The following NTF3 variants were observed in gnomAD, a reference collection of about 807,000 sequenced individuals.
NTF3 encodes the protein neurotrophin 3, also known as neurotrophin-3.
Under a neutral mutation model 26.3 loss-of-function variants are expected in NTF3, and 8 were observed. The observed-to-expected ratio is 0.30, with a 90% confidence interval of 0.18 to 0.55. The LOEUF is 0.55. Ranked by LOEUF, NTF3 falls within the 20% of genes least tolerant of loss-of-function variation. The pLI is 0.93. For synonymous variants in NTF3, 154 were observed against 145.5 expected, an observed-to-expected ratio of 1.06 and a Z score of -0.42; for missense variants, 276 against 352.9, an observed-to-expected ratio of 0.78 and a Z score of 1.75.
intron 1 of NTF3, among the ~76,000 whole-genome samples, chr12:5,437,404 G>C (rs55924827): frequency 0.1 from 15,408 of 151,772 alleles, 834 homozygotes; most frequent in South Asian, 0.12. Flanking sequence ...CATTTCCCAT[G>C]TCTTCACTTC....
chr12:5,454,673 CTTGGCT>C (rs1360785059), intron 1 of NTF3, among the ~76,000 whole-genome samples: 2 of 152,202 alleles, frequency 1.3e-5, no homozygotes, highest in Admixed American at 6.5e-5. Context: ...TCTCATTTTC[CTTGGCT>C]CAGTTCAGCT....
At chr12:5,481,714 G>A (rs931889016) in intron 1 of NTF3, among the ~76,000 whole-genome samples, 7 of 91,286 alleles carry the variant, frequency 7.7e-5, no homozygotes, top group African/African-American at 1.7e-4. Flanking sequence ...AACACCACAC[G>A]CACACACCAC....
intron 1 of NTF3, among the ~76,000 whole-genome samples, chr12:5,476,805 A>C (rs1728901749): frequency 6.6e-6 from 1 of 152,206 alleles, no homozygotes; most frequent in African/African-American, 2.4e-5. Flanking sequence ...TTGTAATATA[A>C]GGAGAGAAAG....
chr12:5,474,063 A>C (rs1328373596), intron 1 of NTF3, among the ~76,000 whole-genome samples: 5 of 152,180 alleles, frequency 3.3e-5, no homozygotes, highest in Admixed American at 3.3e-4. Context: ...CATGGAATTT[A>C]TTTTCCAAAG....
intron 1 of NTF3, among the ~76,000 whole-genome samples, chr12:5,453,219 G>T (rs764722066): frequency 1.2e-4 from 18 of 152,174 alleles, no homozygotes; most frequent in Non-Finnish European, 2.1e-4. Flanking sequence ...GAACATTTTT[G>T]ATACCTATTT....
chr12:5,490,246 A>G (rs910724590), intron 1 of NTF3, among the ~76,000 whole-genome samples: 3 of 152,228 alleles, frequency 2.0e-5, no homozygotes, highest in Non-Finnish European at 2.9e-5. Context: ...CTCTCCAGCC[A>G]GTAAGCAGTG....
chr12:5,470,976 C>T (rs1159020591), intron 1 of NTF3, among the ~76,000 whole-genome samples: 2 of 152,158 alleles, frequency 1.3e-5, no homozygotes, highest in Non-Finnish European at 2.9e-5. Flanking sequence ...CTTTGAGCTC[C>T]TTTCCTTCCC....
intron 1 of NTF3, among the ~76,000 whole-genome samples, chr12:5,489,980 G>A (rs928970295): frequency 3.3e-5 from 5 of 152,194 alleles, no homozygotes; most frequent in Non-Finnish European, 7.3e-5. Context: ...CCATATGTGG[G>A]AAAGCGTTTC....
chr12:5,462,446 G>C (rs1159415365), intron 1 of NTF3, among the ~76,000 whole-genome samples: 1 of 152,106 alleles, frequency 6.6e-6, no homozygotes, highest in Non-Finnish European at 1.5e-5. Flanking sequence ...TACCACAGAG[G>C]CTCGAGGTAA....
At chr12:5,481,974 AACAG>A (rs1940811575) in intron 1 of NTF3, among the ~76,000 whole-genome samples, 1 of 151,740 alleles carries the variant, frequency 6.6e-6, no homozygotes, top group African/African-American at 2.4e-5. Flanking sequence ...CACACAGAGA[AACAG>A]ACACACTCGC....
intron 1 of NTF3, among the ~76,000 whole-genome samples, chr12:5,451,156 A>G (rs762837400): frequency 1.3e-5 from 2 of 152,140 alleles, no homozygotes; most frequent in Admixed American, 6.5e-5. Context: ...CAAGTTTCTC[A>G]TCTGTAAAAT....
chr12:5,445,648 C>T (rs965674452), intron 1 of NTF3, among the ~76,000 whole-genome samples: 2 of 152,176 alleles, frequency 1.3e-5, no homozygotes, highest in African/African-American at 4.8e-5. Flanking sequence ...CTCAGGATGT[C>T]ATTCAGGCCA....
At chr12:5,487,998 A>G (rs1940887919) in intron 1 of NTF3, among the ~76,000 whole-genome samples, 1 of 152,182 alleles carries the variant, frequency 6.6e-6, no homozygotes, top group African/African-American at 2.4e-5. Context: ...TTTGTGCTCC[A>G]TAAGACAGGG....
chr12:5,467,917 G>T (rs1239200518), intron 1 of NTF3, among the ~76,000 whole-genome samples: 1 of 152,114 alleles, frequency 6.6e-6, no homozygotes, highest in African/African-American at 2.4e-5. Context: ...AGTGGAGAGA[G>T]AATAATTCTC....
intron 1 of NTF3, among the ~76,000 whole-genome samples, chr12:5,436,084 G>T (rs1446448210): frequency 2.0e-5 from 3 of 152,222 alleles, no homozygotes; most frequent in Non-Finnish European, 4.4e-5. Flanking sequence ...CGTTGATCGG[G>T]TCCATACCCT....
chr12:5,461,070 G>T (rs188424726), intron 1 of NTF3, among the ~76,000 whole-genome samples: 3 of 152,266 alleles, frequency 2.0e-5, no homozygotes, highest in South Asian at 2.1e-4. Flanking sequence ...AGTGGGATTG[G>T]GGGGGAAGGT....
At chr12:5,440,330 T>C (rs74056350) in intron 1 of NTF3, among the ~76,000 whole-genome samples, 1,933 of 152,162 alleles carry the variant, frequency 0.013, 50 homozygotes, top group African/African-American at 0.043. Flanking sequence ...TCATATGGAG[T>C]ATATAGCCTT....
chr12:5,464,930 C>A (rs1940570861), intron 1 of NTF3, among the ~76,000 whole-genome samples: 1 of 152,174 alleles, frequency 6.6e-6, no homozygotes, highest in Admixed American at 6.5e-5. Context: ...ATTAGGAAGG[C>A]AAGTCATTCA....
At chr12:5,434,472 A>AGT (rs59874216) in intron 1 of NTF3, among the ~76,000 whole-genome samples, 33,133 of 142,594 alleles carry the variant, frequency 0.23, 4,061 homozygotes, top group Middle Eastern at 0.29. Flanking sequence ...GTTTTTCCAA[A>AGT]GTGTGTGTGT....
Sources: allele counts gnomAD v4.1 joint callset (sites outside exome capture counted in the v4.1 genomes callset), GRCh38; gene constraint gnomAD v4.1.1; transcripts MANE v1.5; gene names NCBI Gene and HGNC (gene_info 2026-07-23, HGNC 2026-07-21).